The following LYPLAL1 variants were observed in gnomAD, a reference collection of about 807,000 sequenced individuals.
The protein encoded by LYPLAL1 is lysophospholipase-like protein 1.
A neutral mutation model predicts 19.7 loss-of-function variants in LYPLAL1; 23 were observed. That is an observed-to-expected ratio of 1.17 (90% CI 0.84 to 1.65). The LOEUF (loss-of-function observed/expected upper bound fraction) is 1.65. LYPLAL1 is among the 40% of genes most tolerant of loss of function. LYPLAL1 has a pLI of 0.00. For missense variants in LYPLAL1, 355 were observed against 279.4 expected (o/e 1.27, Z -1.93); for synonymous variants, 119 against 96.3 (o/e 1.24, Z -1.38).
the LYPLAL1 span, among the ~76,000 whole-genome samples, chr1:219,220,812 T>C: frequency 6.6e-6 from 1 of 152,188 alleles, no homozygotes; most frequent in Non-Finnish European, 1.5e-5. Flanking sequence ...TATTGTCAGA[T>C]ACCAAGTGGC....
At chr1:219,315,524 TA>T in the LYPLAL1 span, among the ~76,000 whole-genome samples, 1 of 152,170 alleles carries the variant, frequency 6.6e-6, no homozygotes, top group South Asian at 2.1e-4. Flanking sequence ...ACATATGGAT[TA>T]AATTTCCCTT....
the LYPLAL1 span, among the ~76,000 whole-genome samples, chr1:219,304,992 A>G: frequency 6.6e-6 from 1 of 152,224 alleles, no homozygotes; most frequent in African/African-American, 2.4e-5. Flanking sequence ...TGAGAATGCA[A>G]ATTTGTCCTT....
At chr1:219,249,122 A>G in the LYPLAL1 span, among the ~76,000 whole-genome samples, 26 of 152,140 alleles carry the variant, frequency 1.7e-4, no homozygotes, top group Non-Finnish European at 3.2e-4. Context: ...ACGTAGCTAA[A>G]GAACTAGATG....
At chr1:219,183,109 T>G (rs1415627849) in intron 2 of LYPLAL1, among the ~76,000 whole-genome samples, 4 of 152,130 alleles carry the variant, frequency 2.6e-5, no homozygotes, top group Non-Finnish European at 4.4e-5. Context: ...CTTTCCATTG[T>G]CTTTTTAATT....
At chr1:219,379,434 C>T in the LYPLAL1 span, among the ~76,000 whole-genome samples, 1 of 152,204 alleles carries the variant, frequency 6.6e-6, no homozygotes, top group Non-Finnish European at 1.5e-5. Context: ...TATTCAATCA[C>T]TTTTTGGCAA....
the LYPLAL1 span, among the ~76,000 whole-genome samples, chr1:219,234,454 A>T: frequency 6.6e-6 from 1 of 152,178 alleles, no homozygotes; most frequent in African/African-American, 2.4e-5. Context: ...CAAATAAACA[A>T]TACTCACAGA....
chr1:219,249,940 A>C, the LYPLAL1 span, among the ~76,000 whole-genome samples: 9 of 152,060 alleles, frequency 5.9e-5, no homozygotes. Flanking sequence ...ATTGTTGCAC[A>C]GACTGGTGAC....
At chr1:219,250,249 A>G in the LYPLAL1 span, among the ~76,000 whole-genome samples, 69 of 152,066 alleles carry the variant, frequency 4.5e-4, 2 homozygotes, top group South Asian at 5.6e-3. Flanking sequence ...TTCAACTTAC[A>G]TAGAACCATT....
At chr1:219,252,632 G>A in the LYPLAL1 span, among the ~76,000 whole-genome samples, 1 of 152,130 alleles carries the variant, frequency 6.6e-6, no homozygotes, top group East Asian at 1.9e-4. Context: ...CAGGGATGAA[G>A]CCTACCTGAT....
the LYPLAL1 span, among the ~76,000 whole-genome samples, chr1:219,429,695 C>T: frequency 6.6e-6 from 1 of 152,016 alleles, no homozygotes. Flanking sequence ...AAGAAATTCC[C>T]AGGCCTATTT....
chr1:219,429,174 A>G, the LYPLAL1 span, among the ~76,000 whole-genome samples: 2 of 152,184 alleles, frequency 1.3e-5, no homozygotes, highest in East Asian at 3.9e-4. Context: ...AGCTGGAAAT[A>G]CCTAAAGAAG....
the LYPLAL1 span, among the ~76,000 whole-genome samples, chr1:219,265,258 G>A: frequency 1.3e-5 from 2 of 152,130 alleles, no homozygotes; most frequent in South Asian, 2.1e-4. Context: ...TATCTGGCAA[G>A]CCAATCACAT....
the LYPLAL1 span, among the ~76,000 whole-genome samples, chr1:219,380,359 G>A: frequency 8.5e-5 from 13 of 152,338 alleles, no homozygotes; most frequent in African/African-American, 3.1e-4. Flanking sequence ...CCAGACCACG[G>A]CACAGTTGGC....
the LYPLAL1 span, among the ~76,000 whole-genome samples, chr1:219,289,469 C>T: frequency 2.6e-5 from 4 of 152,182 alleles, no homozygotes; most frequent in African/African-American, 7.2e-5. Flanking sequence ...ATCCTTGTGC[C>T]TAATGATCTT....
chr1:219,384,552 T>A, the LYPLAL1 span, among the ~76,000 whole-genome samples: 1 of 152,192 alleles, frequency 6.6e-6, no homozygotes, highest in South Asian at 2.1e-4. Context: ...ATTGATTGAA[T>A]TAAAATGTAT....
downstream of LYPLAL1, among the ~76,000 whole-genome samples, chr1:219,217,409 AGAG>A (rs1659334839): frequency 8.8e-6 from 1 of 113,930 alleles, no homozygotes. Flanking sequence ...TGTGTGTGTG[AGAG>A]ATGGTTGTAA....
the LYPLAL1 span, among the ~76,000 whole-genome samples, chr1:219,305,314 T>G: frequency 6.6e-6 from 1 of 152,064 alleles, no homozygotes; most frequent in Non-Finnish European, 1.5e-5. Context: ...TCCCTTTCTT[T>G]CAGGGTGTAG....
At chr1:219,353,744 T>A in the LYPLAL1 span, among the ~76,000 whole-genome samples, 1 of 152,130 alleles carries the variant, frequency 6.6e-6, no homozygotes, top group Non-Finnish European at 1.5e-5. Context: ...TAGCATCTGA[T>A]CAAACATTTC....
At chr1:219,439,349 C>G in the LYPLAL1 span, among the ~76,000 whole-genome samples, 1 of 152,148 alleles carries the variant, frequency 6.6e-6, no homozygotes, top group Non-Finnish European at 1.5e-5. Context: ...GAGTTGCCTT[C>G]CTCTTTTCAT....
Sources: gnomAD v4.1 joint callset for allele counts (sites outside exome capture counted in the v4.1 genomes callset) on GRCh38, gnomAD v4.1.1 for gene constraint, MANE v1.5 for transcripts, NCBI Gene and HGNC (gene_info 2026-07-23, HGNC 2026-07-21) for gene names.